Variants in NBPF15 observed in about 807,000 individuals in gnomAD.
NBPF15 encodes the protein NBPF member 15.
NBPF15 carries 74 observed loss-of-function variants against 62.2 expected under a neutral mutation model. That is an observed-to-expected ratio of 1.19 (90% CI 0.99 to 1.44). NBPF15 has a LOEUF of 1.44. NBPF15 is among the 40% of genes most tolerant of loss of function. The pLI, the probability that NBPF15 is intolerant of heterozygous loss-of-function variation, is 0.00. For missense variants in NBPF15, 790 were observed against 550.0 expected, an observed-to-expected ratio of 1.44 and a Z score of -4.36; for synonymous variants, 244 against 209.7, an observed-to-expected ratio of 1.16 and a Z score of -1.41.
In NBPF15 at chr1:144,422,970, T is replaced by A. The variant is rs587690425; in HGVS notation, c.*43A>T. On this transcript the variant is annotated 3_prime_UTR_variant, in exon 22 of 22. Transcript: ENST00000581897. ...ATTCAAATCTTCTCGTGCCTATAGGTCCTGCCTGCAGGAATGACATCTCTC... is the reference window on the plus strand; with the variant it reads ...ATTCAAATCTTCTCGTGCCTATAGGACCTGCCTGCAGGAATGACATCTCTC... 8 of 1,611,614 alleles carry A rather than the reference T, an allele frequency of 5.0e-6. No homozygotes were observed. In the East Asian group the frequency reaches 1.1e-4, roughly 22 times the overall value.
chr1:144,451,173 C>T (rs1252924422), intron 4 of NBPF15, among the ~76,000 whole-genome samples: 2 of 151,530 alleles, frequency 1.3e-5, no homozygotes, highest in Non-Finnish European at 2.9e-5. Context: ...AATGTCTCTG[C>T]ATCATAAACA....
rs1666815511 is a variant in NBPF15, at chr1:144,423,071, G to GT, written c.1954dup (p.Thr652AsnfsTer25). On this transcript the variant is annotated frameshift_variant, in exon 22 of 22. Coordinates refer to ENST00000581897, the MANE Select transcript of NBPF15 (RefSeq NM_001385408.1). LOFTEE classifies it high-confidence loss of function. ...CAGGTGGAGACTTGTCACCGTCAAA[G>GT]TAAAAAACCTATTGTCCACGTAAAG... 6.2e-7 allele frequency: 1 copy of GT among 1,611,602 alleles called. No homozygotes were observed. Among genetic ancestry groups the GT allele is most frequent in the African/African-American group, 1.3e-5 (1 of 74,894 alleles).
chr1:144,442,133 A>ATATATATATATAATATATATACACGTG (rs1683472095), intron 6 of NBPF15, among the ~76,000 whole-genome samples: 43 of 300 alleles, frequency 0.14, no homozygotes, highest in Non-Finnish European at 0.25. Context: ...ATACACGTGT[A>ATATATATATATAATATATATACACGTG]TATATATATA....
In NBPF15 at chr1:144,439,965, T is replaced by C; in HGVS notation, c.39A>G (p.Ala13=). The change falls in exon 8 of 22, where the codon GCA becomes GCG. Residue 13 remains alanine, a synonymous_variant. Transcript: ENST00000581897. The part of the protein sequence containing the change: ...VSAGPLSSEK[A]EMNILEINEK... ...CATTGATTTCTAGAATGTTCATCTC[T>C]GCCTTCTCGCTGGACAAAGGGCCGG... 1 of 1,610,740 alleles carries C rather than the reference T, an allele frequency of 6.2e-7. No homozygotes were observed. Among genetic ancestry groups the C allele is most frequent in the Non-Finnish European group, 8.5e-7 (1 of 1,178,542 alleles).
rs1175346954 is a variant in NBPF15, at chr1:144,440,095, T to C, written c.-36+46A>G. The C allele has an allele frequency of 2.8e-5, 44 of 1,579,056 alleles. No individual in the cohort carries two copies. In the African/African-American group the frequency reaches 5.5e-4, roughly 20 times the overall value. ...TTAAAAACTGGTGAAATCAAATAGG[T>C]TTAATCAGGACTGAGGGATGTAAGT... On this transcript the variant is annotated intron_variant, in intron 7 of 21. Transcript: ENST00000581897.
chr1:144,444,260 T>C (rs1553543442), intron 6 of NBPF15, among the ~76,000 whole-genome samples: 1 of 142,812 alleles, frequency 7.0e-6, no homozygotes. Flanking sequence ...TTCAATTAAA[T>C]ATTAAGAGGA....
In NBPF15 at chr1:144,442,140, TA is replaced by T. The variant is rs1282349791; in HGVS notation, c.-190-1846del. On this transcript the variant is annotated intron_variant, in intron 6 of 21. Coordinates refer to ENST00000581897, the MANE Select transcript of NBPF15 (RefSeq NM_001385408.1). The stretch of plus-strand genomic sequence containing the variant: ...TAATATATATACACGTGTATATATA[TA>T]TATATAATATATATACACGTGTATA... 9.6e-3 allele frequency among the ~76,000 whole-genome samples: 119 copies of T among 12,336 alleles called. 2 individuals are homozygous for T. Among genetic ancestry groups the T allele is most frequent in the East Asian group, 0.08 (18 of 226 alleles). The allele number at this position is 12,336 out of a possible 152,430, so 8.1% of individuals were successfully genotyped here. A position where few individuals can be genotyped will look rare whatever the true frequency, so the allele number is the denominator to read the frequency against.
At chr1:144,436,203 T>C (rs1678189628) in intron 10 of NBPF15, among the ~76,000 whole-genome samples, 1 of 152,084 alleles carries the variant, frequency 6.6e-6, no homozygotes, top group Non-Finnish European at 1.5e-5. Context: ...ACAGTTTGCA[T>C]TTCAAACCTA....
At chr1:144,444,827 C>T (rs1462390816) in intron 6 of NBPF15, among the ~76,000 whole-genome samples, 6 of 151,940 alleles carry the variant, frequency 3.9e-5, no homozygotes, top group Non-Finnish European at 2.9e-5. Context: ...TAGCAGCCCG[C>T]CCCTCAGGTT....
chr1:144,437,584 GCAGT>G (rs1450427653), intron 9 of NBPF15, among the ~76,000 whole-genome samples: 1 of 149,976 alleles, frequency 6.7e-6, no homozygotes, highest in African/African-American at 2.5e-5. Flanking sequence ...ATGAGAAGCC[GCAGT>G]CAGTCAGGAG....
chr1:144,424,584 G>A, intron 20 of NBPF15, 106 bp downstream of exon 20: 1 of 656,126 alleles, frequency 1.5e-6, no homozygotes, highest in Non-Finnish European at 2.7e-6. Context: ...GGTCCTCACT[G>A]CGGCAATGAC....
Position 144,440,171 on chromosome 1 carries a change from C to A in NBPF15, c.-66G>T, listed in dbSNP as rs1419939894. 5.1e-6 allele frequency: 8 copies of A among 1,560,434 alleles called. No homozygotes were observed. The Admixed American group carries it at 9.1e-5, about 18-fold the overall frequency. On this transcript the variant is annotated 5_prime_UTR_variant, in exon 7 of 22. Coordinates refer to ENST00000581897, the MANE Select transcript of NBPF15 (RefSeq NM_001385408.1). ...TCAAAAATGTGATCACTCCCCACAGCACTTTAGGATCCTTCACCACAAAAA... is the reference window on the plus strand; with the variant it reads ...TCAAAAATGTGATCACTCCCCACAGAACTTTAGGATCCTTCACCACAAAAA...
chr1:144,442,051 C>T lies in NBPF15; in HGVS notation c.-190-1756G>A, dbSNP rs1392497195. 5.0e-5 allele frequency among the ~76,000 whole-genome samples: 7 copies of T among 140,954 alleles called. 1 individual carries two copies. The highest frequency in any genetic ancestry group is 2.2e-4 in the Admixed American group (3 of 13,568). 92.5% of individuals were successfully genotyped at this position (140,954 alleles called of 152,430 possible). A position where few individuals can be genotyped will look rare whatever the true frequency, so the allele number is the denominator to read the frequency against. On this transcript the variant is annotated intron_variant, in intron 6 of 21. Transcript: ENST00000581897. ...GGGAGGGATAGCATTAGGATATATACCTAATGTAAGTGACGAGTTAATGGG... is the reference window on the plus strand; with the variant it reads ...GGGAGGGATAGCATTAGGATATATATCTAATGTAAGTGACGAGTTAATGGG...
intron 4 of NBPF15, among the ~76,000 whole-genome samples, chr1:144,451,185 G>A (rs1487776342): frequency 6.6e-6 from 1 of 151,472 alleles, no homozygotes; most frequent in Non-Finnish European, 1.5e-5. Context: ...TCATAAACAA[G>A]GTAAAGAAAA....
In NBPF15 at chr1:144,428,007, A is replaced by G; in HGVS notation, c.1041-17T>C. ...CTGCTGAGCCTGGAAAAGTGGGAAA[A>G]AGTAAAGAATAAGCCAGGGGGAATC... On this transcript the variant is annotated splice_polypyrimidine_tract_variant and intron_variant, in intron 15 of 21. Transcript: ENST00000581897. The G allele has an allele frequency of 6.6e-6, 5 of 753,354 alleles. No individual in the cohort carries two copies. The highest frequency in any genetic ancestry group is 1.2e-5 in the Non-Finnish European group (5 of 405,448). The allele number at this position is 753,354 out of a possible 1,614,324, so 46.7% of individuals were successfully genotyped here. A position where few individuals can be genotyped will look rare whatever the true frequency, so the allele number is the denominator to read the frequency against.
chr1:144,435,642 C>T, intron 11 of NBPF15, 139 bp downstream of exon 11: 3 of 1,519,376 alleles, frequency 2.0e-6, no homozygotes, highest in Non-Finnish European at 2.7e-6. Context: ...CACCCTGTGT[C>T]TAAGCTGGGT....
rs1650705169 is a variant in NBPF15 at position 144,459,368 on chromosome 1, G to C, written c.-703C>G. 2 of 152,010 alleles carry C rather than the reference G, an allele frequency of 1.3e-5. No individual in the cohort carries two copies. The highest frequency in any genetic ancestry group is 4.2e-4 in the South Asian group (2 of 4,810). 9.4% of individuals were successfully genotyped at this position (152,010 alleles called of 1,614,324 possible). ...GAGCTGAGTGTGGTGGTGCTCACCTGTAGGTCCCAGCTACTTGGGGGCTGA... is the reference window on the plus strand; with the variant it reads ...GAGCTGAGTGTGGTGGTGCTCACCTCTAGGTCCCAGCTACTTGGGGGCTGA... On this transcript the variant is annotated splice_region_variant and 5_prime_UTR_variant, in exon 3 of 22. Coordinates refer to ENST00000581897, the MANE Select transcript of NBPF15 (RefSeq NM_001385408.1).
At position 144,455,236 on chromosome 1, in the gene NBPF15, G is replaced by A. The variant is rs1228159191; in HGVS notation, c.-432+1301C>T. Among the ~76,000 whole-genome samples the A allele has an allele frequency of 2.0e-5, 3 of 149,268 alleles. 1 individual carries two copies. The highest frequency in any genetic ancestry group is 4.5e-5 in the Non-Finnish European group (3 of 67,134). Reference sequence around the variant, plus strand: ...GGGAAGGAGGGAGGGAAAGAATAAAGAGAGAGAGAAAAAGAGTGGGAGAGA... The same window carrying A: ...GGGAAGGAGGGAGGGAAAGAATAAAAAGAGAGAGAAAAAGAGTGGGAGAGA... On this transcript the variant is annotated intron_variant, in intron 4 of 21. Coordinates refer to ENST00000581897, the MANE Select transcript of NBPF15 (RefSeq NM_001385408.1).
At chr1:144,455,508 CT>C (rs1693915762) in intron 4 of NBPF15, among the ~76,000 whole-genome samples, 1 of 151,966 alleles carries the variant, frequency 6.6e-6, no homozygotes, top group African/African-American at 2.4e-5. Context: ...GACACTGAGT[CT>C]TGTCTTTGGA....
Sources: allele counts gnomAD v4.1 joint callset (sites outside exome capture counted in the v4.1 genomes callset), GRCh38; gene constraint gnomAD v4.1.1; transcripts MANE v1.5; gene names NCBI Gene and HGNC (gene_info 2026-07-23, HGNC 2026-07-21).